Variants in CRTAC1 observed in about 807,000 individuals in gnomAD.
CRTAC1 encodes the protein cartilage acidic protein 1.
In CRTAC1, 37 loss-of-function variants were observed where a neutral mutation model predicts 67.8. That is an observed-to-expected ratio of 0.55 (90% CI 0.42 to 0.72). CRTAC1 has a LOEUF of 0.72. Ranked by LOEUF, CRTAC1 falls within the 30% of genes least tolerant of loss-of-function variation. The pLI, the probability that CRTAC1 is intolerant of heterozygous loss-of-function variation, is 0.00. For synonymous variants in CRTAC1, 348 were observed against 371.0 expected, an observed-to-expected ratio of 0.94 and a Z score of 0.71; for missense variants, 780 against 931.6, an observed-to-expected ratio of 0.84 and a Z score of 2.12.
chr10:98,002,529 C>T (rs1842709724), intron 2 of CRTAC1, among the ~76,000 whole-genome samples: 1 of 152,038 alleles, frequency 6.6e-6, no homozygotes, highest in Non-Finnish European at 1.5e-5. Flanking sequence ...CTCGACCCCC[C>T]AACCTCCAGG....
intron 2 of CRTAC1, among the ~76,000 whole-genome samples, chr10:97,967,226 A>G (rs1037159711): frequency 6.6e-6 from 1 of 152,228 alleles, no homozygotes; most frequent in African/African-American, 2.4e-5. Flanking sequence ...TTATAATCCA[A>G]TACAACTTTA....
intron 2 of CRTAC1, among the ~76,000 whole-genome samples, chr10:97,942,078 T>C (rs1233798674): frequency 6.6e-6 from 1 of 152,212 alleles, no homozygotes. Flanking sequence ...AGTGAGCTCC[T>C]TCTCATCCCT....
chr10:97,890,372 G>C (rs957275026), intron 11 of CRTAC1, among the ~76,000 whole-genome samples: 4 of 152,134 alleles, frequency 2.6e-5, no homozygotes, highest in Non-Finnish European at 5.9e-5. Context: ...GCCTCCCAAA[G>C]CATTGGGATT....
At chr10:97,911,874 A>G (rs965443103) in intron 5 of CRTAC1, among the ~76,000 whole-genome samples, 1 of 152,190 alleles carries the variant, frequency 6.6e-6, no homozygotes, top group African/African-American at 2.4e-5. Flanking sequence ...GCAGTTAGGA[A>G]CATCTTTATT....
At chr10:97,906,906 C>T (rs559331456) in intron 6 of CRTAC1, among the ~76,000 whole-genome samples, 1 of 152,322 alleles carries the variant, frequency 6.6e-6, no homozygotes, top group South Asian at 2.1e-4. Flanking sequence ...CTGCTGGCAA[C>T]AGCCAGAGCT....
At chr10:97,956,181 A>G (rs998792265) in intron 2 of CRTAC1, among the ~76,000 whole-genome samples, 5 of 152,262 alleles carry the variant, frequency 3.3e-5, no homozygotes, top group Non-Finnish European at 5.9e-5. Context: ...CTTAAAGCAC[A>G]GGTTCTGATA....
chr10:97,915,687 G>A (rs1334459674), intron 5 of CRTAC1, among the ~76,000 whole-genome samples: 1 of 151,320 alleles, frequency 6.6e-6, no homozygotes, highest in East Asian at 2.0e-4. Flanking sequence ...TTAGCTGAGT[G>A]ACAAGGGGGG....
At chr10:97,932,165 T>C (rs973078986) in intron 3 of CRTAC1, among the ~76,000 whole-genome samples, 6 of 152,148 alleles carry the variant, frequency 3.9e-5, no homozygotes, top group African/African-American at 1.4e-4. Context: ...CTTTTCTCTT[T>C]GCTCCCACGG....
At chr10:97,889,476 G>T (rs1169015921) in intron 11 of CRTAC1, among the ~76,000 whole-genome samples, 1 of 151,702 alleles carries the variant, frequency 6.6e-6, no homozygotes, top group Non-Finnish European at 1.5e-5. Context: ...ACTGAGCAAG[G>T]CAGGGTCCAC....
chr10:98,003,278 C>T (rs1216341817), intron 2 of CRTAC1, among the ~76,000 whole-genome samples: 2 of 152,314 alleles, frequency 1.3e-5, no homozygotes, highest in East Asian at 3.9e-4. Context: ...TCCATGGCTG[C>T]TTTGAAAAAT....
intron 2 of CRTAC1, among the ~76,000 whole-genome samples, chr10:97,989,464 C>T (rs1038437486): frequency 8.5e-5 from 13 of 152,188 alleles, no homozygotes; most frequent in African/African-American, 3.1e-4. Context: ...GCCTATTGAT[C>T]CTAGGCTACA....
intron 8 of CRTAC1, among the ~76,000 whole-genome samples, chr10:97,900,855 G>A (rs1385040655): frequency 2.7e-5 from 3 of 109,182 alleles, no homozygotes; most frequent in Non-Finnish European, 5.5e-5. Context: ...GGTAGTGATT[G>A]GACCCCGTAG....
intron 2 of CRTAC1, among the ~76,000 whole-genome samples, chr10:97,940,298 T>C (rs2051152452): frequency 6.6e-6 from 1 of 152,228 alleles, no homozygotes. Context: ...CTGACAAGCC[T>C]GGGAAGCTGA....
chr10:97,884,210 A>G lies in CRTAC1; in HGVS notation c.1628T>C (p.Leu543Pro). ...DEDTLQDPAP[L>P]ECGQGFSQQE... ...GGCCCAGATGCCTTTGCCCACCTCC[A>G]GTGGGGCTGGGTCCTGAAGTGTGTC... The change falls in exon 12 of 15, where the codon CTG becomes CCG. Residue 543 changes from leucine (L) to proline (P), a missense_variant. Transcript: ENST00000370597. 1 of 1,567,402 alleles carries G rather than the reference A, an allele frequency of 6.4e-7. No individual in the cohort carries two copies. Among genetic ancestry groups the G allele is most frequent in the Non-Finnish European group, 8.7e-7 (1 of 1,155,138 alleles).
At chr10:97,974,209 G>A (rs2051761030) in intron 2 of CRTAC1, among the ~76,000 whole-genome samples, 1 of 152,184 alleles carries the variant, frequency 6.6e-6, no homozygotes, top group Non-Finnish European at 1.5e-5. Flanking sequence ...ACATTAGGAG[G>A]AAGAGAAGAC....
At chr10:97,900,533 T>C (rs997580392) in intron 8 of CRTAC1, among the ~76,000 whole-genome samples, 19 of 138,312 alleles carry the variant, frequency 1.4e-4, no homozygotes, top group Non-Finnish European at 2.4e-4. Context: ...CTGGTAGTGA[T>C]TGGACCCCAT....
intron 4 of CRTAC1, among the ~76,000 whole-genome samples, chr10:97,921,865 T>C (rs1332978401): frequency 6.6e-6 from 1 of 151,082 alleles, no homozygotes; most frequent in African/African-American, 2.4e-5. Flanking sequence ...AGCAAGCTTC[T>C]GGACGCCTGC....
intron 14 of CRTAC1, among the ~76,000 whole-genome samples, chr10:97,876,293 T>C (rs1392340063): frequency 6.6e-6 from 1 of 152,190 alleles, no homozygotes; most frequent in East Asian, 1.9e-4. Flanking sequence ...GTGGGATAAT[T>C]ACAATACCTT....
chr10:97,982,786 A>G (rs1180885883), intron 2 of CRTAC1, among the ~76,000 whole-genome samples: 1 of 152,236 alleles, frequency 6.6e-6, no homozygotes, highest in Admixed American at 6.5e-5. Flanking sequence ...ACATTTGAAC[A>G]AAGTTTGTGG....
Sources: gnomAD v4.1 joint callset for allele counts (sites outside exome capture counted in the v4.1 genomes callset) on GRCh38, gnomAD v4.1.1 for gene constraint, MANE v1.5 for transcripts, NCBI Gene and HGNC (gene_info 2026-07-23, HGNC 2026-07-21) for gene names.